The following PLEKHG7 variants were observed in gnomAD, a reference collection of about 807,000 sequenced individuals.
The protein encoded by PLEKHG7 is pleckstrin homology and RhoGEF domain containing G7.
Under a neutral mutation model 85.2 loss-of-function variants are expected in PLEKHG7, and 77 were observed. The observed-to-expected ratio is 0.90, with a 90% confidence interval of 0.75 to 1.09. The LOEUF (loss-of-function observed/expected upper bound fraction) is 1.09. Ranked by LOEUF, PLEKHG7 falls within the 50% of genes least tolerant of loss-of-function variation. PLEKHG7 has a pLI of 0.00. For missense variants in PLEKHG7, 777 were observed against 804.3 expected, an observed-to-expected ratio of 0.97 and a Z score of 0.41; for synonymous variants, 301 against 302.4, an observed-to-expected ratio of 1.00 and a Z score of 0.05.
At chr12:92,741,273 CT>C (rs1306387881) in intron 8 of PLEKHG7, among the ~76,000 whole-genome samples, 1 of 151,930 alleles carries the variant, frequency 6.6e-6, no homozygotes, top group Non-Finnish European at 1.5e-5. Flanking sequence ...TATTTTTCCT[CT>C]TAAAAGTAAA....
intron 3 of PLEKHG7, among the ~76,000 whole-genome samples, chr12:92,715,037 T>G (rs1352930656): frequency 2.6e-5 from 4 of 151,638 alleles, no homozygotes; most frequent in African/African-American, 9.7e-5. Context: ...GATAGATAGA[T>G]AGATAGATAG....
chr12:92,714,447 A>G (rs1403876495), intron 3 of PLEKHG7, among the ~76,000 whole-genome samples: 1 of 152,172 alleles, frequency 6.6e-6, no homozygotes, highest in Admixed American at 6.5e-5. Flanking sequence ...TCACTTTAAC[A>G]GTAGGCACCT....
chr12:92,768,710 C>G (rs749075659), intron 15 of PLEKHG7, among the ~76,000 whole-genome samples: 2 of 152,070 alleles, frequency 1.3e-5, no homozygotes, highest in African/African-American at 2.4e-5. Flanking sequence ...GGCCCCATTA[C>G]CTAAGCCTTA....
At chr12:92,725,674 C>G (rs1197667921) in intron 3 of PLEKHG7, among the ~76,000 whole-genome samples, 1 of 152,016 alleles carries the variant, frequency 6.6e-6, no homozygotes, top group Non-Finnish European at 1.5e-5. Context: ...TCTGAGGCAT[C>G]CTTGCTTCAT....
At chr12:92,739,463 G>A (rs138114041) in intron 7 of PLEKHG7, among the ~76,000 whole-genome samples, 47 of 152,304 alleles carry the variant, frequency 3.1e-4, no homozygotes, top group African/African-American at 1.0e-3. Context: ...CGCAGAGAAC[G>A]AAGCCCCTGA....
intron 3 of PLEKHG7, among the ~76,000 whole-genome samples, chr12:92,723,457 T>C (rs1053120609): frequency 6.6e-6 from 1 of 152,218 alleles, no homozygotes; most frequent in African/African-American, 2.4e-5. Context: ...TTATAAGACA[T>C]GTTTTTTGTA....
chr12:92,764,389 T>C (rs899956133), intron 15 of PLEKHG7, among the ~76,000 whole-genome samples, 195 bp downstream of exon 15: 2 of 152,220 alleles, frequency 1.3e-5, no homozygotes, highest in Admixed American at 6.5e-5. Flanking sequence ...TGTTACTTGC[T>C]AGCCGTATGA....
intron 3 of PLEKHG7, among the ~76,000 whole-genome samples, chr12:92,714,985 T>C (rs1871437797): frequency 6.6e-6 from 1 of 151,960 alleles, no homozygotes; most frequent in Non-Finnish European, 1.5e-5. Flanking sequence ...AAATCTGTAT[T>C]AGTCAGAGTT....
chr12:92,758,278 G>A (rs1872891921), intron 13 of PLEKHG7, among the ~76,000 whole-genome samples: 1 of 152,124 alleles, frequency 6.6e-6, no homozygotes, highest in Admixed American at 6.6e-5. Context: ...ATTAGAAATG[G>A]GCATGATAGA....
At chr12:92,750,334 G>A (rs918006075) in intron 10 of PLEKHG7, among the ~76,000 whole-genome samples, 13 of 152,152 alleles carry the variant, frequency 8.5e-5, no homozygotes, top group Non-Finnish European at 1.5e-5. Flanking sequence ...AGAGATGAAA[G>A]GAAAACTTAC....
At chr12:92,721,347 G>C in intron 3 of PLEKHG7, 1 of 767,880 alleles carries the variant, frequency 1.3e-6, no homozygotes, top group Non-Finnish European at 1.8e-6. Flanking sequence ...GGGGTTGGGG[G>C]GGAATTCCCG....
At chr12:92,736,261 G>A (rs1424664674) in intron 5 of PLEKHG7, among the ~76,000 whole-genome samples, 1 of 151,908 alleles carries the variant, frequency 6.6e-6, no homozygotes, top group Non-Finnish European at 1.5e-5. Flanking sequence ...GTTTGGACAA[G>A]GTAGTCTCAC....
chr12:92,742,591 G>GTT (rs35922583), intron 9 of PLEKHG7, among the ~76,000 whole-genome samples: 11,927 of 143,054 alleles, frequency 0.083, 587 homozygotes, highest in African/African-American at 0.13. Flanking sequence ...TTGTTGTTTA[G>GTT]TTTTTTTTTT....
Position 92,737,426 on chromosome 12 carries a change from G to A in PLEKHG7, c.844G>A (p.Asp282Asn), listed in dbSNP as rs1428329305. 1.7e-5 allele frequency: 27 copies of A among 1,573,400 alleles called. No individual in the cohort carries two copies. Among genetic ancestry groups the A allele is most frequent in the East Asian group, 9.1e-5 (4 of 43,828 alleles). Residue 282 changes from aspartate to asparagine, a missense_variant, in exon 7 of 17, where the codon GAT becomes AAT. Around this residue, in one of 3 missense-constraint regions of PLEKHG7, gnomAD observed 520 missense variants for 544.0 expected, o/e 0.96. Transcript: ENST00000344636. ...VLETHHKLPTDQLDLKKQQEA... is the reference protein window; with the variant it reads ...VLETHHKLPTNQLDLKKQQEA... ...GGAAACACATCACAAACTCCCGACC[G>A]ATCAATTAGACCTGAAAAAGCAGCA...
At chr12:92,719,340 A>T (rs1483930131) in intron 3 of PLEKHG7, among the ~76,000 whole-genome samples, 1 of 152,236 alleles carries the variant, frequency 6.6e-6, no homozygotes, top group Non-Finnish European at 1.5e-5. Flanking sequence ...TCCAAATTGC[A>T]CTATATTTCT....
chr12:92,721,539 G>C (rs2136582262), intron 3 of PLEKHG7: 1 of 1,162,842 alleles, frequency 8.6e-7, no homozygotes, highest in Admixed American at 4.3e-5. Context: ...TGAAAGAGTG[G>C]CTATATTGGG....
intron 3 of PLEKHG7, among the ~76,000 whole-genome samples, chr12:92,716,013 G>A (rs1381889739): frequency 6.6e-6 from 1 of 152,180 alleles, no homozygotes; most frequent in Admixed American, 6.5e-5. Context: ...AAAATTTTTT[G>A]TCTTGCAGAA....
At chr12:92,737,872 C>G (rs1211916005) in intron 7 of PLEKHG7, among the ~76,000 whole-genome samples, 1 of 151,564 alleles carries the variant, frequency 6.6e-6, no homozygotes, top group Non-Finnish European at 1.5e-5. Context: ...ACCTATTACT[C>G]TACTGTCTCT....
chr12:92,711,172 C>T (rs1166704558), intron 3 of PLEKHG7, among the ~76,000 whole-genome samples: 1 of 152,188 alleles, frequency 6.6e-6, no homozygotes, highest in Non-Finnish European at 1.5e-5. Context: ...GGAAGATTTC[C>T]TTTCACCGTT....
Sources: gnomAD v4.1 joint callset for allele counts (sites outside exome capture counted in the v4.1 genomes callset) on GRCh38, gnomAD v4.1.1 for gene constraint, gnomAD v4.1.1 regional missense constraint, MANE v1.5 for transcripts, NCBI Gene and HGNC (gene_info 2026-07-23, HGNC 2026-07-21) for gene names.